OLFML2B: variants seen among roughly 807,000 people sequenced by gnomAD.
The protein encoded by OLFML2B is olfactomedin like 2B.
Under a neutral mutation model 74.9 loss-of-function variants are expected in OLFML2B, and 57 were observed. That is an observed-to-expected ratio of 0.76 (90% CI 0.61 to 0.95). The LOEUF is 0.95. Ranked by LOEUF, OLFML2B falls within the 40% of genes least tolerant of loss-of-function variation. OLFML2B has a pLI of 0.00. For missense variants in OLFML2B, 986 were observed against 970.6 expected (o/e 1.02, Z -0.21); for synonymous variants, 388 against 405.8 (o/e 0.96, Z 0.53).
At chr1:162,005,255 G>A (rs1690186632) in intron 4 of OLFML2B, among the ~76,000 whole-genome samples, 1 of 152,216 alleles carries the variant, frequency 6.6e-6, no homozygotes, top group Non-Finnish European at 1.5e-5. Context: ...TAAGCAAGGA[G>A]GTCTTTTGGT....
intron 3 of OLFML2B, among the ~76,000 whole-genome samples, chr1:162,011,416 G>A (rs1029045314): frequency 6.6e-6 from 1 of 152,196 alleles, no homozygotes; most frequent in African/African-American, 2.4e-5. Flanking sequence ...GCACCCTCCA[G>A]GAGACAGCTA....
At chr1:162,017,224 G>A (rs1386524711) in intron 3 of OLFML2B, among the ~76,000 whole-genome samples, 176 bp downstream of exon 3, 2 of 152,130 alleles carry the variant, frequency 1.3e-5, no homozygotes, top group Non-Finnish European at 2.9e-5. Flanking sequence ...GATTTTCTTT[G>A]TCACCAACAA....
chr1:162,003,681 A>C (rs989578892), intron 4 of OLFML2B, among the ~76,000 whole-genome samples: 1 of 151,976 alleles, frequency 6.6e-6, no homozygotes, highest in African/African-American at 2.4e-5. Context: ...CTCCCAACCC[A>C]GCCCCCAGAG....
chr1:162,008,707 C>T (rs533108980), intron 3 of OLFML2B, among the ~76,000 whole-genome samples: 1 of 152,334 alleles, frequency 6.6e-6, no homozygotes, highest in East Asian at 1.9e-4. Context: ...CCACTCAGAC[C>T]TGCTGAATCA....
intron 6 of OLFML2B, among the ~76,000 whole-genome samples, chr1:161,986,800 T>C (rs766962941): frequency 2.9e-4 from 44 of 152,342 alleles, no homozygotes; most frequent in Non-Finnish European, 5.9e-4. Flanking sequence ...TCCTCTGCCC[T>C]GGCAAAGCTC....
At chr1:161,985,140 T>G in intron 6 of OLFML2B, 160 bp from the exon 7 acceptor site, 1 of 629,510 alleles carries the variant, frequency 1.6e-6, no homozygotes. Context: ...CTCCTGCTAC[T>G]CCCCTGATCC....
chr1:161,989,935 GTGT>G (rs1173882708), intron 6 of OLFML2B, among the ~76,000 whole-genome samples: 7 of 152,186 alleles, frequency 4.6e-5, no homozygotes, highest in Non-Finnish European at 5.9e-5. Flanking sequence ...GAAGGCAGTG[GTGT>G]TCTAAGAAAC....
rs750598712 is a variant in OLFML2B at position 161,997,782 on chromosome 1, C to T, written c.1474+43G>A. ...AGATATTTCCAGGCTCAGCCTTTTA[C>T]CTGAGCTGATCAGGAGACCAAGGCC... is the stretch of plus-strand genomic sequence containing the variant. On this transcript the variant is annotated intron_variant, in intron 6 of 7. Coordinates refer to ENST00000294794, the MANE Select transcript of OLFML2B (RefSeq NM_015441.3). 22 of 1,561,480 alleles carry T rather than the reference C, an allele frequency of 1.4e-5. No homozygotes were observed. The Admixed American group carries it at 1.4e-4, about 10-fold the overall frequency.
intron 6 of OLFML2B, among the ~76,000 whole-genome samples, chr1:161,990,424 GT>G (rs1689703558): frequency 6.6e-6 from 1 of 152,122 alleles, no homozygotes; most frequent in Admixed American, 6.5e-5. Flanking sequence ...AATAAAGTGA[GT>G]TTCACAACTT....
chr1:162,014,103 A>T (rs528256668), intron 3 of OLFML2B, among the ~76,000 whole-genome samples: 9 of 152,194 alleles, frequency 5.9e-5, no homozygotes, highest in Non-Finnish European at 8.8e-5. Flanking sequence ...GAGAGAGCAT[A>T]TGGGGGCCTT....
At position 162,000,113 on chromosome 1, in the gene OLFML2B, G is replaced by A. The variant is rs200898828; in HGVS notation, c.949C>T (p.Gln317Ter). The A allele has an allele frequency of 2.0e-5, 32 of 1,584,726 alleles. No homozygotes were observed. Among genetic ancestry groups the A allele is most frequent in the Non-Finnish European group, 2.6e-5 (30 of 1,160,508 alleles). The stretch of plus-strand genomic sequence containing the variant: ...GGCGGCCCTGTTGACCCCAACTCAC[G>A]CTGCTCTTCAATGTCATTCTCTTCT... The part of the protein sequence containing the change: ...SEEENDIEEQ[Q>*]DEFFSGDNGV... Residue 317 changes from glutamine to a stop codon, truncating the protein, a stop_gained and splice_region_variant, in exon 5 of 8, where the codon CAA (glutamine) becomes TAA (stop). Transcript: ENST00000294794. LOFTEE classifies it high-confidence loss of function.
rs534474674 is a variant in OLFML2B at position 162,000,157 on chromosome 1, T to C, written c.905A>G (p.Tyr302Cys). The change falls in exon 5 of 8, where the codon TAT becomes TGT. Residue 302 changes from tyrosine (Y) to cysteine (C), a missense_variant. By Grantham distance (194) the Tyr-to-Cys change is radical (BLOSUM62 -2). Coordinates refer to ENST00000294794, the MANE Select transcript of OLFML2B (RefSeq NM_015441.3). ...CTCTTCTTCAGAGACCTTGGCTTTA[T>C]AGTAGGTGATGCCCCGGATGACAGT... ...QPTVIRGITY[Y>C]KAKVSEEEND... 27 of 1,611,678 alleles carry C rather than the reference T, an allele frequency of 1.7e-5. No individual in the cohort carries two copies. The highest frequency in any genetic ancestry group is 2.0e-5 in the Non-Finnish European group (24 of 1,178,290).
At chr1:162,015,703 T>TGCATGAAG (rs1342110703) in intron 3 of OLFML2B, among the ~76,000 whole-genome samples, 2 of 152,336 alleles carry the variant, frequency 1.3e-5, no homozygotes, top group East Asian at 3.9e-4. Flanking sequence ...GTCCGAAGCC[T>TGCATGAAG]GCATGAAGTC....
chr1:161,983,990 A>G lies in OLFML2B; in HGVS notation c.1938T>C (p.Ile646=). 6.2e-7 allele frequency: 1 copy of G among 1,614,188 alleles called. No individual in the cohort carries two copies. Among genetic ancestry groups the G allele is most frequent in the South Asian group, 1.1e-5 (1 of 91,080 alleles). Residue 646 remains isoleucine (I), a synonymous_variant, in exon 8 of 8, where the codon ATT becomes ATC. Transcript: ENST00000294794. ...LDDEGFSQEV[I]VLSKLNAADL... is the part of the protein sequence containing the mutation. Reference sequence around the variant, plus strand: ...CCGCGGCATTGAGCTTGCTCAGGACAATGACCTCCTGGCTGAAGCCCTCAT... The same window carrying G: ...CCGCGGCATTGAGCTTGCTCAGGACGATGACCTCCTGGCTGAAGCCCTCAT...
rs1553251577 is a variant in OLFML2B, at chr1:162,022,260, T to TTTTTTC, written c.174+996_174+997insGAAAAA. Among the ~76,000 whole-genome samples, 149 of 127,892 alleles carry TTTTTTC rather than the reference T, an allele frequency of 1.2e-3. 2 individuals carry two copies. The highest frequency in any genetic ancestry group is 8.8e-4 in the Non-Finnish European group (53 of 60,490). The allele number at this position is 127,892 out of a possible 152,430, so 83.9% of individuals were successfully genotyped here. A position where few individuals can be genotyped will look rare whatever the true frequency, so the allele number is the denominator to read the frequency against. On this transcript the variant is annotated intron_variant, in intron 1 of 7. Transcript: ENST00000294794. ...GTATCTCTTCTTTTTTTTTTTTTTT[T>TTTTTTC]TTTTTTTTGAGACGGAGTCTCACTC...
intron 4 of OLFML2B, among the ~76,000 whole-genome samples, chr1:162,001,854 A>C (rs772610126): frequency 1.3e-5 from 2 of 152,246 alleles, no homozygotes; most frequent in African/African-American, 2.4e-5. Flanking sequence ...CCAAGGAATC[A>C]TCTACATTGG....
intron 4 of OLFML2B, among the ~76,000 whole-genome samples, chr1:162,001,383 AG>A (rs1006344837): frequency 6.6e-6 from 1 of 152,144 alleles, no homozygotes; most frequent in African/African-American, 2.4e-5. Context: ...GTTCTGCATA[AG>A]GGGGGCTGAT....
chr1:162,004,988 A>G (rs1690180455), intron 4 of OLFML2B, among the ~76,000 whole-genome samples: 1 of 152,192 alleles, frequency 6.6e-6, no homozygotes, highest in Non-Finnish European at 1.5e-5. Context: ...CTGCCCAGTG[A>G]CCCCTTTTAT....
intron 5 of OLFML2B, among the ~76,000 whole-genome samples, chr1:161,999,348 A>G (rs926314300): frequency 1.3e-5 from 2 of 152,214 alleles, no homozygotes; most frequent in Non-Finnish European, 2.9e-5. Flanking sequence ...CAGAATATGT[A>G]AAAAACTACC....
Sources: gnomAD v4.1 joint callset for allele counts (sites outside exome capture counted in the v4.1 genomes callset) on GRCh38, gnomAD v4.1.1 for gene constraint, MANE v1.5 for transcripts, NCBI Gene and HGNC (gene_info 2026-07-23, HGNC 2026-07-21) for gene names.